The following GNG12 variants were observed in gnomAD, a reference collection of about 807,000 sequenced individuals.
The protein encoded by GNG12 is guanine nucleotide-binding protein G(I)/G(S)/G(O) subunit gamma-12.
For missense variants in GNG12, 69 were observed against 83.8 expected (o/e 0.82, Z 0.69); for synonymous variants, 28 against 29.7 (o/e 0.94, Z 0.19).
At chr1:67,764,048 C>T (rs187950895) in intron 2 of GNG12, among the ~76,000 whole-genome samples, 1 of 152,258 alleles carries the variant, frequency 6.6e-6, no homozygotes, top group East Asian at 1.9e-4. Context: ...TGTTTGTTTG[C>T]TTTCTCATTC....
chr1:67,826,736 T>G (rs75506128), intron 1 of GNG12, among the ~76,000 whole-genome samples: 3,443 of 152,320 alleles, frequency 0.023, 120 homozygotes, highest in African/African-American at 0.078. Context: ...TTTTAGATTT[T>G]GATTCCTCTT....
At chr1:67,774,625 G>A (rs1325057447) in intron 2 of GNG12, among the ~76,000 whole-genome samples, 1 of 152,052 alleles carries the variant, frequency 6.6e-6, no homozygotes, top group Non-Finnish European at 1.5e-5. Context: ...CATTCTCCAT[G>A]GGCAGCCATT....
At chr1:67,748,685 A>G (rs1646520711) in intron 2 of GNG12, among the ~76,000 whole-genome samples, 1 of 152,212 alleles carries the variant, frequency 6.6e-6, no homozygotes. Flanking sequence ...ATTAAATGTC[A>G]TGGTTTTGTG....
At chr1:67,730,490 G>A (rs1664137005) in intron 2 of GNG12, among the ~76,000 whole-genome samples, 1 of 152,132 alleles carries the variant, frequency 6.6e-6, no homozygotes, top group Non-Finnish European at 1.5e-5. Context: ...GGTCAACAGA[G>A]CAAGACGCCA....
chr1:67,801,776 G>A (rs763992959), intron 1 of GNG12, among the ~76,000 whole-genome samples: 4 of 152,094 alleles, frequency 2.6e-5, no homozygotes, highest in Non-Finnish European at 4.4e-5. Context: ...TGATTATTAC[G>A]TTCCGTATCT....
At chr1:67,730,815 G>A (rs550108119) in intron 2 of GNG12, among the ~76,000 whole-genome samples, 1 of 152,168 alleles carries the variant, frequency 6.6e-6, no homozygotes, top group South Asian at 2.1e-4. Context: ...ACTTTCACTG[G>A]GGCCCAGGAA....
chr1:67,805,344 A>G (rs1258667571), intron 1 of GNG12, among the ~76,000 whole-genome samples: 1 of 152,262 alleles, frequency 6.6e-6, no homozygotes, highest in Non-Finnish European at 1.5e-5. Flanking sequence ...CCAAACAAGC[A>G]TCAGAACCAG....
At chr1:67,724,513 C>T (rs1646375151) in intron 2 of GNG12, among the ~76,000 whole-genome samples, 1 of 152,164 alleles carries the variant, frequency 6.6e-6, no homozygotes, top group South Asian at 2.1e-4. Flanking sequence ...CCTCAGCCTC[C>T]TGAGTAGCTG....
At chr1:67,777,742 G>A (rs1375459619) in intron 1 of GNG12, among the ~76,000 whole-genome samples, 7 of 152,148 alleles carry the variant, frequency 4.6e-5, no homozygotes, top group Non-Finnish European at 7.4e-5. Flanking sequence ...TGAGGCCAGC[G>A]TAACTATAAA....
At chr1:67,781,098 C>A (rs749174424) in intron 1 of GNG12, among the ~76,000 whole-genome samples, 1 of 152,162 alleles carries the variant, frequency 6.6e-6, no homozygotes, top group East Asian at 1.9e-4. Flanking sequence ...AGAACATATA[C>A]AGATCTCTAG....
intron 1 of GNG12, among the ~76,000 whole-genome samples, chr1:67,795,367 C>T (rs538898278): frequency 2.0e-5 from 3 of 152,282 alleles, no homozygotes; most frequent in South Asian, 2.1e-4. Flanking sequence ...CTTTTTCAAC[C>T]GCACGCACCT....
intron 2 of GNG12, among the ~76,000 whole-genome samples, chr1:67,723,947 T>C (rs908954811): frequency 6.6e-6 from 1 of 152,182 alleles, no homozygotes; most frequent in African/African-American, 2.4e-5. Flanking sequence ...TGGGGACTGC[T>C]GAGTAGTTTC....
At chr1:67,824,085 C>A (rs1017041635) in intron 1 of GNG12, among the ~76,000 whole-genome samples, 1 of 152,094 alleles carries the variant, frequency 6.6e-6, no homozygotes, top group Non-Finnish European at 1.5e-5. Flanking sequence ...AATTAAAATA[C>A]CATATATTCT....
At chr1:67,771,720 T>C (rs1237953910) in intron 2 of GNG12, among the ~76,000 whole-genome samples, 1 of 152,198 alleles carries the variant, frequency 6.6e-6, no homozygotes, top group Non-Finnish European at 1.5e-5. Context: ...TCAGAATTTG[T>C]ATCCAGTGTT....
chr1:67,747,517 A>T (rs1284828727), intron 2 of GNG12, among the ~76,000 whole-genome samples: 1 of 152,194 alleles, frequency 6.6e-6, no homozygotes, highest in Non-Finnish European at 1.5e-5. Flanking sequence ...CATAACCAGA[A>T]TGTATTTTCA....
chr1:67,747,113 A>C (rs1215618600), intron 2 of GNG12, among the ~76,000 whole-genome samples: 1 of 152,188 alleles, frequency 6.6e-6, no homozygotes, highest in African/African-American at 2.4e-5. Flanking sequence ...AAAAGCATAA[A>C]GAATCTTTTT....
intron 1 of GNG12, among the ~76,000 whole-genome samples, chr1:67,824,026 T>C (rs1360306448): frequency 6.6e-6 from 1 of 152,034 alleles, no homozygotes; most frequent in Non-Finnish European, 1.5e-5. Flanking sequence ...TTTTAAAAGG[T>C]AAGGTAAAGA....
At chr1:67,792,421 A>G (rs190260956) in intron 1 of GNG12, among the ~76,000 whole-genome samples, 1 of 152,302 alleles carries the variant, frequency 6.6e-6, no homozygotes, top group Non-Finnish European at 1.5e-5. Flanking sequence ...AGTGAATCAT[A>G]AGATAAGGCA....
At chr1:67,758,087 T>G (rs1379125419) in intron 2 of GNG12, among the ~76,000 whole-genome samples, 1 of 152,182 alleles carries the variant, frequency 6.6e-6, no homozygotes, top group East Asian at 1.9e-4. Flanking sequence ...TTCTCCTGCC[T>G]CAGCCTCCCG....
Sources: gnomAD v4.1 joint callset for allele counts (sites outside exome capture counted in the v4.1 genomes callset) on GRCh38, gnomAD v4.1.1 for gene constraint, MANE v1.5 for transcripts, NCBI Gene and HGNC (gene_info 2026-07-23, HGNC 2026-07-21) for gene names.